NRG3: variants seen among roughly 807,000 people sequenced by gnomAD.
The protein encoded by NRG3 is neuregulin 3, also known as pro-neuregulin-3, membrane-bound isoform.
A neutral mutation model predicts 66.9 loss-of-function variants in NRG3; 31 were observed. The ratio of observed to expected loss-of-function variants is 0.46; its 90% confidence interval spans 0.35 to 0.63. NRG3 has a LOEUF of 0.63. Among genes scored for constraint, NRG3 ranks in the 20% least tolerant of loss-of-function variants. The pLI is 0.00. For missense variants in NRG3, 910 were observed against 878.9 expected, an observed-to-expected ratio of 1.04 and a Z score of -0.45; for synonymous variants, 393 against 359.4, an observed-to-expected ratio of 1.09 and a Z score of -1.06.
At chr10:82,467,076 AT>A (rs774294271) in intron 2 of NRG3, among the ~76,000 whole-genome samples, 1 of 152,078 alleles carries the variant, frequency 6.6e-6, no homozygotes, top group Non-Finnish European at 1.5e-5. Context: ...CCGTTATTGA[AT>A]TTTTACCTGT....
intron 1 of NRG3, among the ~76,000 whole-genome samples, chr10:82,063,657 C>T (rs1425728563): frequency 1.3e-5 from 2 of 149,784 alleles, no homozygotes; most frequent in African/African-American, 2.5e-5. Context: ...AGAAAGAAAA[C>T]TAAAGAAACT....
At chr10:82,133,784 A>G (rs773009024) in intron 1 of NRG3, among the ~76,000 whole-genome samples, 73 of 152,252 alleles carry the variant, frequency 4.8e-4, no homozygotes, top group Non-Finnish European at 9.0e-4. Context: ...ATACCCGGTA[A>G]TGGGATTGCT....
intron 3 of NRG3, among the ~76,000 whole-genome samples, chr10:82,773,655 T>A (rs939884084): frequency 6.6e-6 from 1 of 152,126 alleles, no homozygotes; most frequent in Admixed American, 6.6e-5. Context: ...CCAATTTGGA[T>A]GCTTATTGTT....
intron 1 of NRG3, among the ~76,000 whole-genome samples, chr10:82,271,829 A>G (rs539047643): frequency 5.9e-5 from 9 of 152,240 alleles, no homozygotes; most frequent in Non-Finnish European, 1.3e-4. Flanking sequence ...TATACCTTAG[A>G]TATTTTGGCT....
intron 1 of NRG3, among the ~76,000 whole-genome samples, chr10:82,191,161 G>A (rs2074120397): frequency 6.6e-6 from 1 of 152,108 alleles, no homozygotes; most frequent in South Asian, 2.1e-4. Context: ...CTTCTGTCTA[G>A]GTTGGACAGT....
At chr10:82,879,441 A>G (rs1183274675) in intron 4 of NRG3, among the ~76,000 whole-genome samples, 1 of 151,400 alleles carries the variant, frequency 6.6e-6, no homozygotes, top group Non-Finnish European at 1.5e-5. Context: ...AGTAGCATAT[A>G]AAAAATGGTA....
rs529484988 is a variant in NRG3 at position 82,665,719 on chromosome 10, A to T, written c.954-72858A>T. Among the ~76,000 whole-genome samples, 26 of 152,298 alleles carry T rather than the reference A, an allele frequency of 1.7e-4. No individual in the cohort carries two copies. In the South Asian group the frequency reaches 5.2e-3, roughly 30 times the overall value. On this transcript the variant is annotated intron_variant, in intron 2 of 8. Transcript: ENST00000372141. ...TTCAGGAACTTCAGTGCACCTCCAC[A>T]TAACAGAGTGCGAAGAACATTTCTG...
chr10:82,300,711 G>A (rs1057431270), intron 1 of NRG3, among the ~76,000 whole-genome samples: 2 of 152,110 alleles, frequency 1.3e-5, no homozygotes, highest in African/African-American at 4.8e-5. Flanking sequence ...CTAATAAAGA[G>A]TTCCCTAATG....
At chr10:82,980,138 G>T (rs756215235) in intron 8 of NRG3, among the ~76,000 whole-genome samples, 4 of 151,996 alleles carry the variant, frequency 2.6e-5, no homozygotes, top group Non-Finnish European at 5.9e-5. Flanking sequence ...CTCAGAGGTG[G>T]AGGCTATACT....
chr10:82,095,302 A>C (rs1380784342), intron 1 of NRG3, among the ~76,000 whole-genome samples: 2 of 7,964 alleles, frequency 2.5e-4, no homozygotes, highest in Admixed American at 1.4e-3. Flanking sequence ...GCTTAAGCCA[A>C]AAAAAAAAAA....
At chr10:82,041,826 C>CTGTA (rs67677405) in intron 1 of NRG3, among the ~76,000 whole-genome samples, 1 of 151,160 alleles carries the variant, frequency 6.6e-6, no homozygotes, top group Non-Finnish European at 1.5e-5. Flanking sequence ...CTCTCTCTCT[C>CTGTA]TCTGTCTATT....
chr10:82,107,603 T>A (rs1039153001), intron 1 of NRG3, among the ~76,000 whole-genome samples: 6 of 152,244 alleles, frequency 3.9e-5, no homozygotes, highest in Non-Finnish European at 8.8e-5. Flanking sequence ...AGGATTCAGA[T>A]GCACAGCTTG....
At chr10:82,796,891 T>C (rs976338064) in intron 3 of NRG3, among the ~76,000 whole-genome samples, 1 of 151,942 alleles carries the variant, frequency 6.6e-6, no homozygotes, top group Non-Finnish European at 1.5e-5. Context: ...GAAAACAGAA[T>C]GATGCAGACA....
intron 1 of NRG3, among the ~76,000 whole-genome samples, chr10:82,152,127 A>G (rs181603481): frequency 1.5e-4 from 23 of 152,278 alleles, no homozygotes; most frequent in African/African-American, 5.3e-4. Context: ...TAACTCTGCC[A>G]TTGTACCGTG....
At chr10:82,551,900 C>A (rs368362448) in intron 2 of NRG3, among the ~76,000 whole-genome samples, 2 of 151,940 alleles carry the variant, frequency 1.3e-5, no homozygotes, top group Non-Finnish European at 2.9e-5. Context: ...TTGGTTATGT[C>A]TTTTGTGTCT....
intron 1 of NRG3, among the ~76,000 whole-genome samples, chr10:82,303,170 C>T (rs1020959393): frequency 6.6e-6 from 1 of 152,192 alleles, no homozygotes; most frequent in Non-Finnish European, 1.5e-5. Flanking sequence ...GCTTGATGTT[C>T]ACTCCATCTT....
chr10:82,649,717 G>A (rs1267231731), intron 2 of NRG3, among the ~76,000 whole-genome samples: 2 of 151,970 alleles, frequency 1.3e-5, no homozygotes, highest in Non-Finnish European at 2.9e-5. Flanking sequence ...GCCTCCCAAA[G>A]TGCTGGGATT....
intron 1 of NRG3, among the ~76,000 whole-genome samples, chr10:82,060,175 A>G (rs1589955991): frequency 6.6e-6 from 1 of 152,230 alleles, no homozygotes; most frequent in East Asian, 1.9e-4. Flanking sequence ...GTCTGTTGCT[A>G]TAGTAGTCAC....
chr10:82,904,755 G>C (rs1301389724), intron 4 of NRG3, among the ~76,000 whole-genome samples: 1 of 152,088 alleles, frequency 6.6e-6, no homozygotes, highest in Non-Finnish European at 1.5e-5. Context: ...AAAAAAAGTA[G>C]ATGGGGAAAT....
Sources: allele counts gnomAD v4.1 joint callset (sites outside exome capture counted in the v4.1 genomes callset), GRCh38; gene constraint gnomAD v4.1.1; transcripts MANE v1.5; gene names NCBI Gene and HGNC (gene_info 2026-07-23, HGNC 2026-07-21).